The following CCDC12 variants were observed in gnomAD, a reference collection of about 807,000 sequenced individuals.
CCDC12 encodes the protein coiled-coil domain-containing protein 12.
A neutral mutation model predicts 25.7 loss-of-function variants in CCDC12; 28 were observed. The observed-to-expected ratio is 1.09, with a 90% confidence interval of 0.81 to 1.50. The LOEUF (loss-of-function observed/expected upper bound fraction) is 1.50, where lower values mean the gene tolerates loss of function less well. CCDC12 is among the 40% of genes most tolerant of loss of function. The pLI is 0.00. For missense variants in CCDC12, 198 were observed against 210.0 expected (o/e 0.94, Z 0.35); for synonymous variants, 75 against 87.7 (o/e 0.86, Z 0.81).
intron 2 of CCDC12, among the ~76,000 whole-genome samples, chr3:46,928,454 A>G (rs2033066007): frequency 6.6e-6 from 1 of 152,202 alleles, no homozygotes; most frequent in Non-Finnish European, 1.5e-5. Flanking sequence ...TGATGCAAAA[A>G]TAACTGTGGT....
chr3:46,923,735 T>A, intron 3 of CCDC12, 67 bp from the exon 4 acceptor site: 1 of 1,307,014 alleles, frequency 7.7e-7, no homozygotes, highest in Non-Finnish European at 1.0e-6. Context: ...GGACACTGCC[T>A]ACCGTGGCCC....
chr3:46,953,498 G>A (rs1190559212), intron 1 of CCDC12, among the ~76,000 whole-genome samples: 2 of 151,990 alleles, frequency 1.3e-5, no homozygotes, highest in African/African-American at 2.4e-5. Flanking sequence ...GTAACCAGAG[G>A]AACCTAGCTG....
In CCDC12 at chr3:46,923,598, G is replaced by A; in HGVS notation, c.306+9C>T. ...GCAGCGAGGATGCCAGGGTGGTCCA[G>A]GCACTCACCACCTCCTCGATGACGG... On this transcript the variant is annotated intron_variant, in intron 4 of 6. Transcript: ENST00000683445. The A allele has an allele frequency of 6.2e-7, 1 of 1,605,160 alleles. No homozygotes were observed. Among genetic ancestry groups the A allele is most frequent in the Non-Finnish European group, 8.5e-7 (1 of 1,175,918 alleles).
intron 1 of CCDC12, among the ~76,000 whole-genome samples, chr3:46,975,526 C>CTTTTTTTTTT (rs3028814): frequency 1.2e-5 from 1 of 82,554 alleles, no homozygotes; most frequent in African/African-American, 3.7e-5. Flanking sequence ...TAAATCTTTT[C>CTTTTTTTTTT]TTTTTTTTTT....
intron 1 of CCDC12, among the ~76,000 whole-genome samples, chr3:46,956,738 C>A (rs2034299166): frequency 7.5e-6 from 1 of 133,306 alleles, no homozygotes; most frequent in Non-Finnish European, 1.6e-5. Flanking sequence ...GGGGAATCAT[C>A]TGAGCCCAGG....
chr3:46,974,055 T>C (rs1045395302), intron 1 of CCDC12, among the ~76,000 whole-genome samples: 6 of 152,208 alleles, frequency 3.9e-5, no homozygotes, highest in African/African-American at 1.4e-4. Flanking sequence ...ACAACATGGA[T>C]GAAGTGTGAA....
intron 1 of CCDC12, among the ~76,000 whole-genome samples, chr3:46,953,167 C>T (rs76001979): frequency 6.6e-6 from 1 of 152,032 alleles, no homozygotes; most frequent in African/African-American, 2.4e-5. Flanking sequence ...AAGAGCAATG[C>T]ATGCAGAGGT....
chr3:46,932,987 T>G (rs1178944525), intron 2 of CCDC12, among the ~76,000 whole-genome samples: 2 of 152,082 alleles, frequency 1.3e-5, no homozygotes, highest in Non-Finnish European at 2.9e-5. Flanking sequence ...GGCCTAGGGG[T>G]GGACCCCACA....
At chr3:46,977,803 A>G (rs988458708), upstream of CCDC12, among the ~76,000 whole-genome samples, 3 of 152,174 alleles carry the variant, frequency 2.0e-5, no homozygotes, top group Non-Finnish European at 2.9e-5. Context: ...ACTGCCCCCA[A>G]TCCCCAGCTT....
intron 1 of CCDC12, among the ~76,000 whole-genome samples, chr3:46,951,796 A>T (rs56266946): frequency 0.16 from 3,267 of 19,840 alleles, 259 homozygotes; most frequent in Non-Finnish European, 0.27. Flanking sequence ...AAAAAAAAAA[A>T]AAATATATAT....
intron 1 of CCDC12, among the ~76,000 whole-genome samples, chr3:46,969,642 G>A (rs1444492974): frequency 3.3e-5 from 5 of 152,208 alleles, no homozygotes; most frequent in African/African-American, 9.6e-5. Context: ...ATCTGATGGA[G>A]ATACCAGCCA....
At chr3:46,929,693 G>A (rs2033124672) in intron 2 of CCDC12, among the ~76,000 whole-genome samples, 1 of 152,184 alleles carries the variant, frequency 6.6e-6, no homozygotes, top group Non-Finnish European at 1.5e-5. Context: ...CAACAAAAAT[G>A]TTGACAGTGG....
intron 1 of CCDC12, among the ~76,000 whole-genome samples, chr3:46,957,477 T>G (rs1227062000): frequency 2.6e-5 from 4 of 152,184 alleles, no homozygotes; most frequent in Non-Finnish European, 5.9e-5. Flanking sequence ...AACAAGCACT[T>G]TGTATTCTTC....
chr3:46,967,482 C>T (rs938989261), intron 1 of CCDC12, among the ~76,000 whole-genome samples: 3 of 152,148 alleles, frequency 2.0e-5, no homozygotes, highest in African/African-American at 7.2e-5. Context: ...TCTTGCTCAG[C>T]TTGGAATGCT....
intron 2 of CCDC12, among the ~76,000 whole-genome samples, chr3:46,925,870 CAG>C (rs2032936238): frequency 6.6e-6 from 1 of 152,212 alleles, no homozygotes; most frequent in South Asian, 2.1e-4. Context: ...GACTGGAGGT[CAG>C]AGAGACTGTA....
intron 1 of CCDC12, among the ~76,000 whole-genome samples, chr3:46,958,783 C>T (rs1286813980): frequency 6.6e-6 from 1 of 152,174 alleles, no homozygotes; most frequent in African/African-American, 2.4e-5. Context: ...CTCCTGACCA[C>T]CACAAAGGCC....
chr3:46,941,040 G>C lies in CCDC12; in HGVS notation c.122C>G (p.Thr41Ser). 6.2e-7 allele frequency: 1 copy of C among 1,614,174 alleles called. No individual in the cohort carries two copies. Among genetic ancestry groups the C allele is most frequent in the Non-Finnish European group, 8.5e-7 (1 of 1,180,044 alleles). The change falls in exon 2 of 7, where the codon ACC becomes AGC. Residue 41 changes from threonine to serine, a missense_variant. By Grantham distance (58) the Thr-to-Ser change is moderately conservative. Transcript: ENST00000683445. ...RKDKEDGEPK[T>S]KHLREEEEEG... ...TTCCTCCTCTTCTCTGAGATGCTTG[G>C]TCTTTGGCTCCCCATCTTCCTTGTC... is the stretch of plus-strand genomic sequence containing the variant.
chr3:46,976,728 TC>T lies in CCDC12; in HGVS notation c.4del (p.Glu2ArgfsTer10). 1 of 1,606,334 alleles carries T rather than the reference TC, an allele frequency of 6.2e-7. No homozygotes were observed. Among genetic ancestry groups the T allele is most frequent in the South Asian group, 1.1e-5 (1 of 89,706 alleles). On this transcript the variant is annotated frameshift_variant, in exon 1 of 7. Coordinates refer to ENST00000683445, the MANE Select transcript of CCDC12 (RefSeq NM_001277074.2). LOFTEE classifies it high-confidence loss of function. Reference sequence around the variant, plus strand: ...CCGGCCCACACCAGCCGTAGTTGCCTCCATCTTGCCCGCGTACGCCCCTCCT... The same window carrying T: ...CCGGCCCACACCAGCCGTAGTTGCCTCATCTTGCCCGCGTACGCCCCTCCT... M[E>X]ATTAGVGRLE...
chr3:46,943,962 G>A (rs763339929), intron 1 of CCDC12, among the ~76,000 whole-genome samples: 284 of 152,322 alleles, frequency 1.9e-3, no homozygotes, highest in African/African-American at 4.3e-3. Context: ...TTCATAAATA[G>A]GACAATGGGC....
Sources: allele counts gnomAD v4.1 joint callset (sites outside exome capture counted in the v4.1 genomes callset), GRCh38; gene constraint gnomAD v4.1.1; transcripts MANE v1.5; gene names NCBI Gene and HGNC (gene_info 2026-07-23, HGNC 2026-07-21).